The following ALOX5 variants were observed in gnomAD, a reference collection of about 807,000 sequenced individuals.
The protein encoded by ALOX5 is polyunsaturated fatty acid 5-lipoxygenase.
A neutral mutation model predicts 87.9 loss-of-function variants in ALOX5; 64 were observed. That is an observed-to-expected ratio of 0.73 (90% CI 0.60 to 0.90). The LOEUF is 0.90. ALOX5 is among the 40% of genes least tolerant of loss of function. ALOX5 has a pLI of 0.00. For missense variants in ALOX5, 822 were observed against 907.5 expected, an observed-to-expected ratio of 0.91 and a Z score of 1.21; for synonymous variants, 388 against 355.1, an observed-to-expected ratio of 1.09 and a Z score of -1.04.
intron 4 of ALOX5, among the ~76,000 whole-genome samples, chr10:45,415,782 T>C (rs2132772584): frequency 6.6e-6 from 1 of 152,350 alleles, no homozygotes. Flanking sequence ...GTCAGTTATG[T>C]ATTCCTCTTG....
Position 45,423,730 on chromosome 10 carries a change from C to T in ALOX5, c.555-311C>T, listed in dbSNP as rs1342653255. Among the ~76,000 whole-genome samples the T allele has an allele frequency of 1.4e-4, 22 of 152,142 alleles. 1 individual carries two copies. The highest frequency in any genetic ancestry group is 1.4e-3 in the Admixed American group (22 of 15,268). ...CTGTTCGTAGAAGCTTTCTCAGGGA[C>T]TGGCCCACCGAGTGGGGGACTGCAA... is the stretch of plus-strand genomic sequence containing the variant. On this transcript the variant is annotated intron_variant, in intron 4 of 13. Coordinates refer to ENST00000374391, the MANE Select transcript of ALOX5 (RefSeq NM_000698.5).
intron 7 of ALOX5, among the ~76,000 whole-genome samples, chr10:45,437,766 G>C (rs1842102089): frequency 6.6e-6 from 1 of 152,214 alleles, no homozygotes. Flanking sequence ...TCGGGTTTTA[G>C]TTTAGACTGT....
intron 4 of ALOX5, among the ~76,000 whole-genome samples, chr10:45,420,658 C>T (rs1429078423): frequency 1.3e-5 from 2 of 152,246 alleles, no homozygotes; most frequent in Non-Finnish European, 2.9e-5. Flanking sequence ...TTCCTCGCCG[C>T]TGCTTCTGAG....
At chr10:45,384,895 G>C (rs915432578) in intron 2 of ALOX5, among the ~76,000 whole-genome samples, 1 of 151,716 alleles carries the variant, frequency 6.6e-6, no homozygotes, top group African/African-American at 2.4e-5. Context: ...CAAGCTGGAG[G>C]GCAGTGGCAC....
intron 7 of ALOX5, among the ~76,000 whole-genome samples, chr10:45,432,023 C>T (rs1841919109): frequency 1.3e-5 from 2 of 151,126 alleles, no homozygotes; most frequent in African/African-American, 4.9e-5. Flanking sequence ...TTTTATCTTT[C>T]TTGGTGGGGG....
At chr10:45,376,336 G>A (rs1839611558) in intron 1 of ALOX5, among the ~76,000 whole-genome samples, 1 of 151,696 alleles carries the variant, frequency 6.6e-6, no homozygotes, top group Admixed American at 6.6e-5. Context: ...GGGTGGGGCG[G>A]GGGGTGGTTG....
rs749546779 is a variant in ALOX5, at chr10:45,425,605, G to A, written c.834+473G>A. Among the ~76,000 whole-genome samples, 4 of 152,226 alleles carry A rather than the reference G, an allele frequency of 2.6e-5. No homozygotes were observed. Among genetic ancestry groups the A allele is most frequent in the Non-Finnish European group, 5.9e-5 (4 of 68,046 alleles). ...GGTTGATTTTCTCGTTAGAAATGCTGCTGCCCATGCTCCTGTCGCACCCTC... is the reference window on the plus strand; with the variant it reads ...GGTTGATTTTCTCGTTAGAAATGCTACTGCCCATGCTCCTGTCGCACCCTC... On this transcript the variant is annotated intron_variant, in intron 6 of 13. Coordinates refer to ENST00000374391, the MANE Select transcript of ALOX5 (RefSeq NM_000698.5). The surrounding 1 kb of genome is among the most constrained non-coding windows in gnomAD (Gnocchi z 4.4).
At chr10:45,391,228 G>A (rs966092431) in intron 2 of ALOX5, among the ~76,000 whole-genome samples, 10 of 151,988 alleles carry the variant, frequency 6.6e-5, no homozygotes, top group African/African-American at 1.9e-4. Context: ...GAGTGCCTGC[G>A]ATTGCAGGTG....
At chr10:45,415,819 G>T (rs1247915307) in intron 4 of ALOX5, among the ~76,000 whole-genome samples, 1 of 152,194 alleles carries the variant, frequency 6.6e-6, no homozygotes, top group Admixed American at 6.5e-5. Flanking sequence ...ACTTGATAAG[G>T]TGAACACCAA....
chr10:45,436,458 C>T (rs193143875), intron 7 of ALOX5, among the ~76,000 whole-genome samples: 1 of 152,288 alleles, frequency 6.6e-6, no homozygotes, highest in East Asian at 1.9e-4. Context: ...CAGCGTCATT[C>T]TTCTGCATAT....
intron 3 of ALOX5, among the ~76,000 whole-genome samples, chr10:45,401,826 C>A (rs1840707433): frequency 6.6e-6 from 1 of 152,160 alleles, no homozygotes; most frequent in East Asian, 1.9e-4. Context: ...AATTTCTCCT[C>A]AAAAATCTTT....
chr10:45,383,034 G>A (rs1180967660), intron 2 of ALOX5, among the ~76,000 whole-genome samples: 3 of 152,218 alleles, frequency 2.0e-5, no homozygotes, highest in Non-Finnish European at 2.9e-5. Context: ...TAGTTGCCAG[G>A]GTGTGGCATC....
chr10:45,391,426 G>C (rs1354839475), intron 2 of ALOX5, among the ~76,000 whole-genome samples: 2 of 147,164 alleles, frequency 1.4e-5, no homozygotes, highest in Admixed American at 6.8e-5. Context: ...GTGCAGTGGC[G>C]TGATCTCGGC....
chr10:45,430,638 A>G (rs1196745290), intron 7 of ALOX5, among the ~76,000 whole-genome samples: 2 of 152,244 alleles, frequency 1.3e-5, no homozygotes, highest in Admixed American at 6.5e-5. Context: ...TCTTAAAAAA[A>G]AAAAAGAACA....
At position 45,420,304 on chromosome 10, in the gene ALOX5, G is replaced by A. The variant is rs888573413; in HGVS notation, c.555-3737G>A. ...GTGGTATCCCATCTAAAAATCAGAC[G>A]AGGCTAGAAAATTTCAATTTTATTT... On this transcript the variant is annotated intron_variant, in intron 4 of 13. Transcript: ENST00000374391. Among the ~76,000 whole-genome samples the A allele has an allele frequency of 2.6e-5, 4 of 152,290 alleles. No individual in the cohort carries two copies. The East Asian group carries it at 5.8e-4, about 22-fold the overall frequency.
At chr10:45,431,555 ATT>A (rs1260081367) in intron 7 of ALOX5, among the ~76,000 whole-genome samples, 2 of 135,794 alleles carry the variant, frequency 1.5e-5, no homozygotes, top group African/African-American at 6.9e-5. Flanking sequence ...AAAGTTATTT[ATT>A]TATTTATTTA....
intron 4 of ALOX5, among the ~76,000 whole-genome samples, chr10:45,418,506 C>G (rs1841380766): frequency 6.6e-6 from 1 of 152,192 alleles, no homozygotes; most frequent in Non-Finnish European, 1.5e-5. Context: ...CCATCACACA[C>G]CGGCCTAGGG....
intron 1 of ALOX5, among the ~76,000 whole-genome samples, chr10:45,381,922 G>C (rs1040740802): frequency 6.6e-6 from 1 of 152,248 alleles, no homozygotes; most frequent in Non-Finnish European, 1.5e-5. Flanking sequence ...CTGTAGTGGA[G>C]GCAAAACTCC....
chr10:45,377,564 A>G (rs1048475075), intron 1 of ALOX5, among the ~76,000 whole-genome samples: 2 of 150,350 alleles, frequency 1.3e-5, no homozygotes, highest in Admixed American at 1.3e-4. Flanking sequence ...CACTACCCCA[A>G]TCCCTCTCTC....
Sources: gnomAD v4.1 joint callset for allele counts (sites outside exome capture counted in the v4.1 genomes callset) on GRCh38, gnomAD v4.1.1 for gene constraint, Gnocchi (gnomAD v3.1) non-coding constraint, MANE v1.5 for transcripts, NCBI Gene and HGNC (gene_info 2026-07-23, HGNC 2026-07-21) for gene names.